Variants in PPP1R9A observed in about 807,000 individuals in gnomAD.
The protein encoded by PPP1R9A is protein phosphatase 1 regulatory subunit 9A, also known as neurabin-1.
In PPP1R9A, 59 loss-of-function variants were observed where a neutral mutation model predicts 141.9. That is an observed-to-expected ratio of 0.42 (90% CI 0.34 to 0.52). The LOEUF (loss-of-function observed/expected upper bound fraction) is 0.52, where lower values mean the gene tolerates loss of function less well. Ranked by LOEUF, PPP1R9A falls within the 20% of genes least tolerant of loss-of-function variation. The pLI is 0.10. For synonymous variants in PPP1R9A, 500 were observed against 569.7 expected, an observed-to-expected ratio of 0.88 and a Z score of 1.74; for missense variants, 1,444 against 1,611.9, an observed-to-expected ratio of 0.90 and a Z score of 1.78.
At chr7:94,957,161 C>T (rs898942046) in intron 2 of PPP1R9A, among the ~76,000 whole-genome samples, 4 of 152,036 alleles carry the variant, frequency 2.6e-5, no homozygotes, top group Non-Finnish European at 5.9e-5. Flanking sequence ...TAATAATAGA[C>T]TTATTCTTAA....
intron 2 of PPP1R9A, among the ~76,000 whole-genome samples, chr7:95,004,286 A>G (rs1803316260): frequency 6.6e-6 from 1 of 152,044 alleles, no homozygotes; most frequent in African/African-American, 2.4e-5. Flanking sequence ...TGACAGCACA[A>G]TCACTGGTTA....
intron 2 of PPP1R9A, among the ~76,000 whole-genome samples, chr7:95,071,208 T>C (rs1262634286): frequency 6.6e-6 from 1 of 151,994 alleles, no homozygotes; most frequent in Non-Finnish European, 1.5e-5. Flanking sequence ...AGTATATTAG[T>C]GATTTTTTAA....
intron 3 of PPP1R9A, among the ~76,000 whole-genome samples, chr7:95,114,891 CAAAA>C (rs200443706): frequency 1.8e-5 from 2 of 112,392 alleles, no homozygotes; most frequent in African/African-American, 3.1e-5. Flanking sequence ...AAGTCCGTCT[CAAAA>C]AAAAAAAAAA....
intron 18 of PPP1R9A, 50 bp from the exon 19 acceptor site, chr7:95,288,486 G>C (rs1162942197): frequency 6.3e-7 from 1 of 1,583,872 alleles, no homozygotes; most frequent in Admixed American, 1.8e-5. Flanking sequence ...CATAATATGA[G>C]CCATAGTATC....
chr7:95,171,831 A>G (rs1012342718), intron 5 of PPP1R9A, among the ~76,000 whole-genome samples: 1 of 151,662 alleles, frequency 6.6e-6, no homozygotes, highest in African/African-American at 2.4e-5. Context: ...CAATGTTGCT[A>G]TGATAGTATA....
intron 2 of PPP1R9A, among the ~76,000 whole-genome samples, chr7:95,048,409 A>T (rs1180776976): frequency 6.6e-6 from 1 of 152,192 alleles, no homozygotes; most frequent in East Asian, 1.9e-4. Flanking sequence ...CAATAATAGA[A>T]ATATTATTAT....
chr7:95,287,116 G>A, intron 18 of PPP1R9A: 1 of 1,612,974 alleles, frequency 6.2e-7, no homozygotes, highest in Non-Finnish European at 8.5e-7. Context: ...TCAGAGCCTG[G>A]ATATGATAGA....
rs184794743 is a variant in PPP1R9A, at chr7:95,126,030, C to T, written c.1649+5198C>T. Among the ~76,000 whole-genome samples the T allele has an allele frequency of 1.2e-4, 18 of 152,240 alleles. No homozygotes were observed. In the East Asian group the frequency reaches 3.5e-3, roughly 29 times the overall value. On this transcript the variant is annotated intron_variant, in intron 4 of 19. Coordinates refer to ENST00000433360, the MANE Select transcript of PPP1R9A (RefSeq NM_001166160.2). ...CCTATTCGATGGTTTCCTCTCTGTG[C>T]ACACACTCTCATGTTAGTCTTCTAA... is the stretch of plus-strand genomic sequence containing the variant.
chr7:95,142,742 T>C (rs1184235861), intron 4 of PPP1R9A, among the ~76,000 whole-genome samples: 1 of 152,068 alleles, frequency 6.6e-6, no homozygotes, highest in Non-Finnish European at 1.5e-5. Flanking sequence ...GAGGAACACA[T>C]AGAGCCAATG....
At chr7:95,196,096 T>C (rs1836237372) in intron 5 of PPP1R9A, among the ~76,000 whole-genome samples, 1 of 152,078 alleles carries the variant, frequency 6.6e-6, no homozygotes, top group South Asian at 2.1e-4. Context: ...TGTGTGTATG[T>C]GTATTTTTGT....
chr7:95,147,070 G>T (rs578038466), intron 4 of PPP1R9A, among the ~76,000 whole-genome samples: 8 of 152,114 alleles, frequency 5.3e-5, no homozygotes, highest in Non-Finnish European at 7.4e-5. Flanking sequence ...CATTGAATCT[G>T]TAAATTACTT....
intron 2 of PPP1R9A, among the ~76,000 whole-genome samples, chr7:95,026,689 C>T (rs1344106014): frequency 1.3e-5 from 2 of 152,106 alleles, no homozygotes; most frequent in Non-Finnish European, 2.9e-5. Context: ...CCACAGTTGC[C>T]CCTTCCCTGA....
chr7:94,917,388 A>C (rs952587825), intron 2 of PPP1R9A, among the ~76,000 whole-genome samples: 1 of 151,954 alleles, frequency 6.6e-6, no homozygotes, highest in Non-Finnish European at 1.5e-5. Context: ...AAATATTTAA[A>C]GTTTCTTGTT....
intron 18 of PPP1R9A, chr7:95,287,152 G>C: frequency 1.2e-6 from 2 of 1,612,064 alleles, no homozygotes; most frequent in Non-Finnish European, 1.7e-6. Context: ...TCAGTGGGCT[G>C]TGTGTGGTGG....
intron 2 of PPP1R9A, among the ~76,000 whole-genome samples, chr7:95,090,503 A>T (rs1043581133): frequency 2.0e-5 from 3 of 151,968 alleles, no homozygotes; most frequent in Non-Finnish European, 4.4e-5. Context: ...ATAATCCAGA[A>T]AACTATAAAG....
intron 5 of PPP1R9A, among the ~76,000 whole-genome samples, chr7:95,183,713 C>T (rs966652461): frequency 6.6e-6 from 1 of 151,888 alleles, no homozygotes; most frequent in Non-Finnish European, 1.5e-5. Flanking sequence ...TCCCAAAGTG[C>T]TGAGATTACA....
chr7:94,919,417 T>C (rs1584209819), intron 2 of PPP1R9A, among the ~76,000 whole-genome samples: 1 of 151,238 alleles, frequency 6.6e-6, no homozygotes, highest in East Asian at 2.0e-4. Context: ...AATGCTGGGA[T>C]TGTAGGTGTG....
chr7:95,020,545 G>A lies in PPP1R9A; in HGVS notation c.1396-90714G>A, dbSNP rs548978040. Among the ~76,000 whole-genome samples, 7 of 152,102 alleles carry A rather than the reference G, an allele frequency of 4.6e-5. No homozygotes were observed. The South Asian group carries it at 1.5e-3, about 32-fold the overall frequency. On this transcript the variant is annotated intron_variant, in intron 2 of 19. Transcript: ENST00000433360. ...GTTACATAGGTATACATGTGCCATG[G>A]TGGTTTGCTGCACCCATCAACCCGT...
intron 2 of PPP1R9A, among the ~76,000 whole-genome samples, chr7:94,960,012 T>C (rs1213259998): frequency 1.3e-5 from 2 of 151,720 alleles, no homozygotes; most frequent in Non-Finnish European, 3.0e-5. Flanking sequence ...TAATTTCTGC[T>C]TCACCATGTG....
Sources: allele counts gnomAD v4.1 joint callset (sites outside exome capture counted in the v4.1 genomes callset), GRCh38; gene constraint gnomAD v4.1.1; transcripts MANE v1.5; gene names NCBI Gene and HGNC (gene_info 2026-07-23, HGNC 2026-07-21).